PSMD1: variants seen among roughly 807,000 people sequenced by gnomAD.
PSMD1 encodes proteasome 26S subunit, non-ATPase 1.
In PSMD1, 18 loss-of-function variants were observed where a neutral mutation model predicts 119.0. That is an observed-to-expected ratio of 0.15 (90% confidence interval 0.10 to 0.22). The LOEUF (loss-of-function observed/expected upper bound fraction) is 0.22, where lower values mean the gene tolerates loss of function less well. Among genes scored for constraint, PSMD1 ranks in the 10% least tolerant of loss-of-function variants. The pLI is 1.00. For missense variants in PSMD1, 702 were observed against 1,158.5 expected (o/e 0.61, Z 5.72); for synonymous variants, 374 against 396.6 (o/e 0.94, Z 0.68).
intron 21 of PSMD1, among the ~76,000 whole-genome samples, chr2:231,164,027 A>G (rs1050002147): frequency 2.0e-5 from 3 of 152,246 alleles, no homozygotes; most frequent in East Asian, 1.9e-4. Context: ...CACATTAACT[A>G]TATTTTTTTT....
chr2:231,107,576 G>A (rs1031104367), intron 16 of PSMD1, among the ~76,000 whole-genome samples: 6 of 152,172 alleles, frequency 3.9e-5, no homozygotes, highest in Non-Finnish European at 8.8e-5. Flanking sequence ...AAGAAATTAA[G>A]TATTTTTCCT....
At chr2:231,116,258 A>C (rs1695327661) in intron 16 of PSMD1, among the ~76,000 whole-genome samples, 1 of 152,178 alleles carries the variant, frequency 6.6e-6, no homozygotes, top group Non-Finnish European at 1.5e-5. Context: ...ACTACTAAAA[A>C]TGAGGGTACA....
At chr2:231,103,038 T>C (rs1694906068) in intron 16 of PSMD1, among the ~76,000 whole-genome samples, 1 of 152,234 alleles carries the variant, frequency 6.6e-6, no homozygotes, top group Non-Finnish European at 1.5e-5. Context: ...ATCTTTGTTA[T>C]AAAAATTGTA....
In PSMD1 at chr2:231,066,931, A is replaced by G. The variant is rs765422421; in HGVS notation, c.330A>G (p.Lys110=). ...IIAKCIDHYT[K]QCVENADLPE... is the part of the protein sequence containing the mutation. Reference sequence around the variant, plus strand: ...CAAAATGCATTGATCACTACACCAAACAATGTGTGGAAAATGCAGATTTGC... The same window carrying G: ...CAAAATGCATTGATCACTACACCAAGCAATGTGTGGAAAATGCAGATTTGC... Residue 110 remains lysine (K), a synonymous_variant, in exon 5 of 25, where the codon AAA becomes AAG. Coordinates refer to ENST00000308696, the MANE Select transcript of PSMD1 (RefSeq NM_002807.4). The G allele has an allele frequency of 1.2e-6, 2 of 1,611,182 alleles. No homozygotes were observed. Among genetic ancestry groups the G allele is most frequent in the Admixed American group, 1.7e-5 (1 of 59,538 alleles).
At chr2:231,150,516 GGTTT>G (rs1029208540) in intron 18 of PSMD1, among the ~76,000 whole-genome samples, 8 of 151,872 alleles carry the variant, frequency 5.3e-5, no homozygotes, top group African/African-American at 1.7e-4. Flanking sequence ...AAAACTCAGA[GGTTT>G]GTTTGTTTTT....
At chr2:231,116,320 A>G (rs1003239418) in intron 16 of PSMD1, among the ~76,000 whole-genome samples, 2 of 152,096 alleles carry the variant, frequency 1.3e-5, no homozygotes, top group African/African-American at 4.8e-5. Context: ...GTAGGAAAAT[A>G]CTCGTCTAGA....
At position 231,075,564 on chromosome 2, in the gene PSMD1, C is replaced by G; in HGVS notation, c.935C>G (p.Pro312Arg). 6.3e-7 allele frequency: 1 copy of G among 1,598,952 alleles called. No homozygotes were observed. The highest frequency in any genetic ancestry group is 8.5e-7 in the Non-Finnish European group (1 of 1,175,658). Residue 312 changes from proline (P) to arginine (R), a missense_variant, in exon 8 of 25, where the codon CCA (proline) becomes CGA (arginine). Coordinates refer to ENST00000308696, the MANE Select transcript of PSMD1 (RefSeq NM_002807.4). The part of the protein sequence containing the change: ...KTSSAFVGKT[P>R]EASPEPKDQT... ...AGCAGTGCATTTGTAGGAAAGACAC[C>G]AGAAGCCGTGAGTGTGCTTTTTTTT...
intron 16 of PSMD1, among the ~76,000 whole-genome samples, chr2:231,097,342 C>T (rs1309212111): frequency 6.6e-6 from 1 of 152,160 alleles, no homozygotes; most frequent in African/African-American, 2.4e-5. Context: ...GTAAAGGGGT[C>T]ATTTACCCTT....
chr2:231,157,019 C>G (rs1696521517), intron 19 of PSMD1, among the ~76,000 whole-genome samples: 1 of 152,060 alleles, frequency 6.6e-6, no homozygotes, highest in African/African-American at 2.4e-5. Flanking sequence ...CAGATTACTT[C>G]TTTTGGTGGT....
chr2:231,165,742 G>A, intron 22 of PSMD1, 129 bp from the exon 23 acceptor site: 2 of 760,128 alleles, frequency 2.6e-6, no homozygotes, highest in East Asian at 2.7e-5. Context: ...TAGCACTTTA[G>A]TTGTACTTCC....
intron 20 of PSMD1, among the ~76,000 whole-genome samples, chr2:231,162,929 C>T (rs1004591138): frequency 6.6e-6 from 1 of 150,738 alleles, no homozygotes; most frequent in African/African-American, 2.4e-5. Flanking sequence ...AACCCCGTCT[C>T]TACTAAAAAT....
intron 16 of PSMD1, among the ~76,000 whole-genome samples, chr2:231,087,645 A>G (rs1694485257): frequency 6.6e-6 from 1 of 152,208 alleles, no homozygotes; most frequent in Non-Finnish European, 1.5e-5. Context: ...TGTCCTTGGC[A>G]GTATGATATA....
At chr2:231,098,425 C>G (rs953587938) in intron 16 of PSMD1, among the ~76,000 whole-genome samples, 4 of 152,006 alleles carry the variant, frequency 2.6e-5, no homozygotes, top group African/African-American at 9.7e-5. Flanking sequence ...GTCTCTGACT[C>G]CCTCTTTGTC....
chr2:231,171,379 CAG>C (rs1398645070), intron 24 of PSMD1, among the ~76,000 whole-genome samples: 5 of 152,116 alleles, frequency 3.3e-5, no homozygotes, highest in Non-Finnish European at 5.9e-5. Context: ...AGTGTCTTAA[CAG>C]TGTTGAAAGG....
Position 231,123,796 on chromosome 2 carries a change from G to A in PSMD1, c.1884-14940G>A, listed in dbSNP as rs568312484. On this transcript the variant is annotated intron_variant, in intron 16 of 24. Coordinates refer to ENST00000308696, the MANE Select transcript of PSMD1 (RefSeq NM_002807.4). ...TTTTTCTGTGATTCAATCCCGTTCC[G>A]AACAGTGGTCAGCATGGTTAGTAGC... The A allele has an allele frequency of 6.9e-5, 103 of 1,498,844 alleles. No homozygotes were observed. In the East Asian group the frequency reaches 1.4e-3, roughly 21 times the overall value. 92.8% of individuals were successfully genotyped at this position (1,498,844 alleles called of 1,614,324 possible). A position where few individuals can be genotyped will look rare whatever the true frequency, so the allele number is the denominator to read the frequency against.
Position 231,146,326 on chromosome 2 carries a change from G to C in PSMD1, c.2085G>C (p.Met695Ile), listed in dbSNP as rs150554194. 5.6e-4 allele frequency: 905 copies of C among 1,613,544 alleles called. No individual in the cohort carries two copies. The highest frequency in any genetic ancestry group is 7.2e-4 in the Non-Finnish European group (854 of 1,179,608). ...QGALIASALI[M>I]IQQTEITCPK... ...CACTCATAGCTTCAGCTCTCATCAT[G>C]ATCCAGCAGACTGAAATCACTTGTC... is the stretch of plus-strand genomic sequence containing the variant. Residue 695 changes from methionine to isoleucine, a missense_variant, in exon 18 of 25, where the codon ATG becomes ATC. By Grantham distance (10) the Met-to-Ile change is conservative. Transcript: ENST00000308696.
chr2:231,143,611 T>A (rs1375200828), intron 17 of PSMD1, among the ~76,000 whole-genome samples: 9 of 152,330 alleles, frequency 5.9e-5, no homozygotes, highest in Admixed American at 4.6e-4. Context: ...GAGTTTTTGA[T>A]CAAATACATT....
At chr2:231,152,084 G>C (rs1696389385) in intron 18 of PSMD1, among the ~76,000 whole-genome samples, 1 of 152,016 alleles carries the variant, frequency 6.6e-6, no homozygotes, top group Non-Finnish European at 1.5e-5. Flanking sequence ...CCAAAGTGCT[G>C]GGATTACAGT....
chr2:231,121,160 A>G (rs1333822266), intron 16 of PSMD1, among the ~76,000 whole-genome samples: 3 of 152,230 alleles, frequency 2.0e-5, no homozygotes, highest in Non-Finnish European at 4.4e-5. Flanking sequence ...AAAATCTACA[A>G]ACCCCACTAT....
Sources: gnomAD v4.1 joint callset for allele counts (sites outside exome capture counted in the v4.1 genomes callset) on GRCh38, gnomAD v4.1.1 for gene constraint, MANE v1.5 for transcripts, NCBI Gene and HGNC (gene_info 2026-07-23, HGNC 2026-07-21) for gene names.